Variants in WDFY1 observed in about 807,000 individuals in gnomAD.
WDFY1 encodes WD repeat and FYVE domain containing 1.
In WDFY1, 32 loss-of-function variants were observed where a neutral mutation model predicts 56.4. The ratio of observed to expected loss-of-function variants is 0.57; its 90% CI spans 0.43 to 0.76. WDFY1 has a LOEUF of 0.76. WDFY1 is among the 30% of genes least tolerant of loss of function. The probability of loss-of-function intolerance (pLI) is 0.00; values close to 1 mark genes in which losing one functional copy is unlikely to be tolerated. For synonymous variants in WDFY1, 192 were observed against 197.3 expected, an observed-to-expected ratio of 0.97 and a Z score of 0.23; for missense variants, 480 against 545.7, an observed-to-expected ratio of 0.88 and a Z score of 1.20.
intron 10 of WDFY1, among the ~76,000 whole-genome samples, chr2:223,880,435 C>T (rs200319484): frequency 4.6e-5 from 7 of 151,764 alleles, no homozygotes; most frequent in African/African-American, 1.5e-4. Flanking sequence ...GGTGAAACCC[C>T]GTCTCTACTA....
chr2:223,880,709 A>G (rs1693054524), intron 10 of WDFY1, among the ~76,000 whole-genome samples: 1 of 152,110 alleles, frequency 6.6e-6, no homozygotes, highest in Non-Finnish European at 1.5e-5. Context: ...TAATTTAATG[A>G]TGACAGAAAG....
intron 1 of WDFY1, among the ~76,000 whole-genome samples, chr2:223,938,997 G>A (rs1017457145): frequency 3.3e-5 from 5 of 151,916 alleles, no homozygotes; most frequent in African/African-American, 1.2e-4. Flanking sequence ...TAGGATTACA[G>A]GTGCACACTA....
At chr2:223,900,275 C>T (rs1693483462) in intron 5 of WDFY1, among the ~76,000 whole-genome samples, 1 of 152,200 alleles carries the variant, frequency 6.6e-6, no homozygotes, top group South Asian at 2.1e-4. Flanking sequence ...GTAGCACATA[C>T]TATATCAGAG....
Position 223,926,046 on chromosome 2 carries a change from A to G in WDFY1, c.138-8036T>C, listed in dbSNP as rs539175013. On this transcript the variant is annotated intron_variant, in intron 1 of 11. Coordinates refer to ENST00000233055, the MANE Select transcript of WDFY1 (RefSeq NM_020830.5). ...TTTAACCTTCTCTCAAGAATCATGAATGTTCTCAATGACATCTAGAATGGT... is the reference window on the plus strand; with the variant it reads ...TTTAACCTTCTCTCAAGAATCATGAGTGTTCTCAATGACATCTAGAATGGT... 5.9e-4 allele frequency among the ~76,000 whole-genome samples: 90 copies of G among 152,332 alleles called. 1 individual carries two copies. The highest frequency in any genetic ancestry group is 1.4e-3 in the Admixed American group (21 of 15,300).
At chr2:223,899,869 A>C (rs1170600524) in intron 5 of WDFY1, among the ~76,000 whole-genome samples, 1 of 152,258 alleles carries the variant, frequency 6.6e-6, no homozygotes, top group African/African-American at 2.4e-5. Context: ...TAAATCTGAC[A>C]GTAAATACAA....
At chr2:223,908,104 C>A (rs766885401) in intron 3 of WDFY1, among the ~76,000 whole-genome samples, 62 of 152,164 alleles carry the variant, frequency 4.1e-4, no homozygotes, top group Non-Finnish European at 7.1e-4. Flanking sequence ...AATCCTCCTG[C>A]CTAAGCCTCC....
At chr2:223,896,272 G>C (rs1693375280) in intron 6 of WDFY1, among the ~76,000 whole-genome samples, 1 of 148,700 alleles carries the variant, frequency 6.7e-6, no homozygotes, top group Admixed American at 6.8e-5. Flanking sequence ...TGTTCAGAAT[G>C]AAGAAAAAAA....
chr2:223,934,411 C>T (rs1203854696), intron 1 of WDFY1, among the ~76,000 whole-genome samples: 3 of 151,854 alleles, frequency 2.0e-5, no homozygotes, highest in Non-Finnish European at 2.9e-5. Context: ...TTTTAGATTA[C>T]GTTCCATGCT....
chr2:223,906,997 CAG>C (rs1693607605), intron 3 of WDFY1, among the ~76,000 whole-genome samples: 1 of 150,060 alleles, frequency 6.7e-6, no homozygotes, highest in East Asian at 2.0e-4. Flanking sequence ...TATTTTGAGA[CAG>C]AGTCTCGCTC....
intron 10 of WDFY1, among the ~76,000 whole-genome samples, chr2:223,880,635 C>T (rs904585739): frequency 1.3e-4 from 20 of 150,070 alleles, no homozygotes; most frequent in African/African-American, 4.9e-4. Flanking sequence ...AAAGTAAATG[C>T]TTATGATAAT....
intron 3 of WDFY1, among the ~76,000 whole-genome samples, chr2:223,906,975 T>A (rs1478396984): frequency 1.3e-5 from 2 of 150,718 alleles, no homozygotes; most frequent in Non-Finnish European, 2.9e-5. Context: ...ATTATTATTA[T>A]TATTATTATA....
At position 223,910,542 on chromosome 2, in the gene WDFY1, A is replaced by T. The variant is rs1209106872; in HGVS notation, c.279+1711T>A. 3.3e-5 allele frequency among the ~76,000 whole-genome samples: 5 copies of T among 152,076 alleles called. No individual in the cohort carries two copies. In the East Asian group the frequency reaches 9.6e-4, roughly 29 times the overall value. Reference sequence around the variant, plus strand: ...TCTAGTATCTAACATACAGAAAAAAACTCTTACAACTCAACAATTAAAAAA... The same window carrying T: ...TCTAGTATCTAACATACAGAAAAAATCTCTTACAACTCAACAATTAAAAAA... On this transcript the variant is annotated intron_variant, in intron 3 of 11. Transcript: ENST00000233055.
chr2:223,894,424 C>A lies in WDFY1; in HGVS notation c.726-85G>T. 4 of 1,357,958 alleles carry A rather than the reference C, an allele frequency of 2.9e-6. No individual in the cohort carries two copies. In the East Asian group the frequency reaches 9.5e-5, roughly 32 times the overall value. The allele number at this position is 1,357,958 out of a possible 1,614,324, so 84.1% of individuals were successfully genotyped here. ...TCATTTAGGCTCAAATTGCTCTCCT[C>A]ATTAAAATCAGCAAGTGGTATTTTA... On this transcript the variant is annotated intron_variant, in intron 7 of 11. Coordinates refer to ENST00000233055, the MANE Select transcript of WDFY1 (RefSeq NM_020830.5).
chr2:223,887,073 G>A (rs894601473), intron 8 of WDFY1, among the ~76,000 whole-genome samples: 1 of 152,138 alleles, frequency 6.6e-6, no homozygotes, highest in African/African-American at 2.4e-5. Context: ...AGATGAGAAG[G>A]GATGAAAGAA....
chr2:223,900,063 T>C (rs1693477660), intron 5 of WDFY1, among the ~76,000 whole-genome samples: 1 of 152,234 alleles, frequency 6.6e-6, no homozygotes, highest in African/African-American at 2.4e-5. Context: ...TTTGTGGTCA[T>C]AGATATTTGT....
At chr2:223,923,745 A>G (rs928704645) in intron 1 of WDFY1, among the ~76,000 whole-genome samples, 8 of 152,056 alleles carry the variant, frequency 5.3e-5, no homozygotes, top group African/African-American at 1.7e-4. Flanking sequence ...TGGGCGACAG[A>G]GCAAGACTCC....
chr2:223,900,774 G>T, intron 5 of WDFY1: 1 of 160,146 alleles, frequency 6.2e-6, no homozygotes, highest in Non-Finnish European at 1.4e-5. Flanking sequence ...TAGAAGACAA[G>T]TTCCTTTTTT....
At chr2:223,915,724 T>G (rs536238396) in intron 2 of WDFY1, among the ~76,000 whole-genome samples, 1 of 152,308 alleles carries the variant, frequency 6.6e-6, no homozygotes, top group African/African-American at 2.4e-5. Flanking sequence ...CTTCCAACTC[T>G]CAGATCTATC....
intron 4 of WDFY1, among the ~76,000 whole-genome samples, chr2:223,902,545 A>G (rs1693522521): frequency 6.6e-6 from 1 of 152,176 alleles, no homozygotes; most frequent in Non-Finnish European, 1.5e-5. Flanking sequence ...AGCCTGGGTA[A>G]GACAGCGAGA....
Sources: gnomAD v4.1 joint callset for allele counts (sites outside exome capture counted in the v4.1 genomes callset) on GRCh38, gnomAD v4.1.1 for gene constraint, MANE v1.5 for transcripts, NCBI Gene and HGNC (gene_info 2026-07-23, HGNC 2026-07-21) for gene names.